The following HS6ST3 variants were observed in gnomAD, a reference collection of about 807,000 sequenced individuals.
The protein encoded by HS6ST3 is heparan-sulfate 6-O-sulfotransferase 3.
HS6ST3 carries 12 observed loss-of-function variants against 36.7 expected under a neutral mutation model. That is an observed-to-expected ratio of 0.33 (90% CI 0.21 to 0.53). The LOEUF (loss-of-function observed/expected upper bound fraction) is 0.53. Ranked by LOEUF, HS6ST3 falls within the 20% of genes least tolerant of loss-of-function variation. HS6ST3 has a pLI of 0.95. For missense variants in HS6ST3, 584 were observed against 640.9 expected (o/e 0.91, Z 0.96); for synonymous variants, 240 against 257.5 (o/e 0.93, Z 0.65).
intron 1 of HS6ST3, among the ~76,000 whole-genome samples, chr13:96,102,791 C>G (rs1018918230): frequency 1.6e-4 from 24 of 152,278 alleles, no homozygotes; most frequent in Non-Finnish European, 2.6e-4. Context: ...TGTCCCTGCA[C>G]TTTCGCAAGC....
chr13:96,625,003 C>A (rs1199228466), intron 1 of HS6ST3, among the ~76,000 whole-genome samples: 1 of 152,170 alleles, frequency 6.6e-6, no homozygotes, highest in East Asian at 1.9e-4. Flanking sequence ...AAGAAAGCAG[C>A]TTTACTGAAG....
At chr13:96,211,301 C>A (rs1003171901) in intron 1 of HS6ST3, among the ~76,000 whole-genome samples, 1 of 152,198 alleles carries the variant, frequency 6.6e-6, no homozygotes, top group Admixed American at 6.5e-5. Flanking sequence ...CATGGGTCTT[C>A]TAGAAACCTG....
At chr13:96,588,375 T>C (rs1482470964) in intron 1 of HS6ST3, among the ~76,000 whole-genome samples, 1 of 152,198 alleles carries the variant, frequency 6.6e-6, no homozygotes, top group Non-Finnish European at 1.5e-5. Flanking sequence ...GTTTGTCATC[T>C]ATGGCCTATA....
chr13:96,494,455 A>G (rs549569864), intron 1 of HS6ST3, among the ~76,000 whole-genome samples: 9 of 151,474 alleles, frequency 5.9e-5, no homozygotes, highest in East Asian at 2.0e-4. Context: ...TGACGAGTTA[A>G]TGGGTGCAGC....
chr13:96,412,057 T>C (rs533385171), intron 1 of HS6ST3, among the ~76,000 whole-genome samples: 102 of 152,260 alleles, frequency 6.7e-4, no homozygotes, highest in African/African-American at 2.4e-3. Context: ...CAGGCTGCAG[T>C]GCAGTGGTGC....
intron 1 of HS6ST3, among the ~76,000 whole-genome samples, chr13:96,152,357 A>G (rs1464003057): frequency 1.8e-5 from 1 of 54,530 alleles, no homozygotes; most frequent in African/African-American, 6.5e-5. Context: ...TGTTGTTTTG[A>G]GACGGAGTCT....
At chr13:96,754,348 C>T (rs9300365) in intron 1 of HS6ST3, among the ~76,000 whole-genome samples, 72,232 of 151,916 alleles carry the variant, frequency 0.48, 17,694 homozygotes, top group African/African-American at 0.61. Context: ...ATGGCATAAA[C>T]TAGGTTTGAT....
intron 1 of HS6ST3, among the ~76,000 whole-genome samples, chr13:96,165,207 A>G (rs1245690001): frequency 6.6e-6 from 1 of 152,204 alleles, no homozygotes; most frequent in Non-Finnish European, 1.5e-5. Context: ...TTTGAAGAAC[A>G]CCAAAACAAG....
At chr13:96,512,032 C>T (rs1051070056) in intron 1 of HS6ST3, among the ~76,000 whole-genome samples, 8 of 152,120 alleles carry the variant, frequency 5.3e-5, no homozygotes, top group African/African-American at 1.9e-4. Context: ...CATCTAGAAA[C>T]TCCTTTCAAT....
intron 1 of HS6ST3, among the ~76,000 whole-genome samples, chr13:96,195,279 T>C (rs1426686004): frequency 1.3e-5 from 2 of 152,250 alleles, no homozygotes; most frequent in Admixed American, 6.5e-5. Flanking sequence ...CCCTGCTTCC[T>C]GAAAGTAGCA....
intron 1 of HS6ST3, among the ~76,000 whole-genome samples, chr13:96,375,275 C>T (rs1288472242): frequency 1.5e-5 from 2 of 134,048 alleles, no homozygotes; most frequent in East Asian, 4.4e-4. Context: ...CTAGGTGCTT[C>T]CCGTCACTCT....
At chr13:96,679,877 C>T (rs146767154) in intron 1 of HS6ST3, among the ~76,000 whole-genome samples, 29 of 152,246 alleles carry the variant, frequency 1.9e-4, no homozygotes, top group African/African-American at 6.7e-4. Flanking sequence ...AGACTTGGCC[C>T]CGGTCTTAAG....
At chr13:96,529,118 G>T (rs969387084) in intron 1 of HS6ST3, among the ~76,000 whole-genome samples, 2 of 152,084 alleles carry the variant, frequency 1.3e-5, no homozygotes, top group African/African-American at 2.4e-5. Context: ...AAAATATTTT[G>T]GGATTCTTCA....
At chr13:96,297,803 A>T (rs2054862438) in intron 1 of HS6ST3, among the ~76,000 whole-genome samples, 3 of 152,230 alleles carry the variant, frequency 2.0e-5, no homozygotes, top group Middle Eastern at 3.4e-3. Flanking sequence ...TTCTACTGGC[A>T]TTCATAAGCT....
intron 1 of HS6ST3, among the ~76,000 whole-genome samples, chr13:96,290,501 T>C (rs2054824383): frequency 6.6e-6 from 1 of 152,128 alleles, no homozygotes; most frequent in African/African-American, 2.4e-5. Flanking sequence ...AATAAGAGGA[T>C]TGGAGCCAAG....
intron 1 of HS6ST3, among the ~76,000 whole-genome samples, chr13:96,603,060 G>A (rs2056427084): frequency 6.6e-6 from 1 of 151,348 alleles, no homozygotes; most frequent in Non-Finnish European, 1.5e-5. Flanking sequence ...AATTATTAAT[G>A]TTGTTGTTTT....
chr13:96,369,978 T>G (rs1806872740), intron 1 of HS6ST3, among the ~76,000 whole-genome samples: 1 of 152,170 alleles, frequency 6.6e-6, no homozygotes, highest in Non-Finnish European at 1.5e-5. Context: ...GCCTGAATTT[T>G]CCACTAATAG....
intron 1 of HS6ST3, among the ~76,000 whole-genome samples, chr13:96,119,196 G>A (rs1188900128): frequency 2.0e-5 from 3 of 151,950 alleles, no homozygotes; most frequent in Non-Finnish European, 2.9e-5. Flanking sequence ...AGTCTCTAGT[G>A]CTTCATATAC....
chr13:96,599,926 G>A (rs1442092028), intron 1 of HS6ST3, among the ~76,000 whole-genome samples: 1 of 151,998 alleles, frequency 6.6e-6, no homozygotes, highest in Admixed American at 6.6e-5. Context: ...TAATTTCCAT[G>A]TATTTGTATA....
Sources: gnomAD v4.1 joint callset for allele counts (sites outside exome capture counted in the v4.1 genomes callset) on GRCh38, gnomAD v4.1.1 for gene constraint, MANE v1.5 for transcripts, NCBI Gene and HGNC (gene_info 2026-07-23, HGNC 2026-07-21) for gene names.